The following TNRC6A variants were observed in gnomAD, a reference collection of about 807,000 sequenced individuals.
TNRC6A encodes trinucleotide repeat containing adaptor 6A, also known as trinucleotide repeat-containing gene 6A protein.
A neutral mutation model predicts 221.2 loss-of-function variants in TNRC6A; 44 were observed. That is an observed-to-expected ratio of 0.20 (90% CI 0.16 to 0.26). TNRC6A has a LOEUF of 0.26. TNRC6A is among the 10% of genes least tolerant of loss of function. TNRC6A has a pLI of 1.00. For missense variants in TNRC6A, 2,199 were observed against 2,404.4 expected (o/e 0.91, Z 1.79); for synonymous variants, 847 against 838.5 (o/e 1.01, Z -0.18).
At chr16:24,703,812 G>A (rs2056036813) in intron 2 of TNRC6A, among the ~76,000 whole-genome samples, 1 of 151,870 alleles carries the variant, frequency 6.6e-6, no homozygotes, top group Admixed American at 6.6e-5. Context: ...GGCCGGGCGT[G>A]GTGGCTCACG....
Position 24,675,659 on chromosome 16 carries a change from ACTCTCTCTCT to A in TNRC6A, n.402+34685_402+34694del, listed in dbSNP as rs71381700. On this transcript the variant is annotated intron_variant and non_coding_transcript_variant, in intron 2 of 2. Transcript: ENST00000566108. ...TCACACCACTGCACTCCAGCCAGAG[ACTCTCTCTCT>A]CTCTCTCTCTCTCTCTCTCTCTCTC... is the stretch of plus-strand genomic sequence containing the variant. Among the ~76,000 whole-genome samples, 137 of 37,502 alleles carry A rather than the reference ACTCTCTCTCT, an allele frequency of 3.7e-3. 1 individual carries two copies. The highest frequency in any genetic ancestry group is 4.7e-3 in the Non-Finnish European group (100 of 21,122). 24.6% of individuals were successfully genotyped at this position (37,502 alleles called of 152,430 possible).
At chr16:24,742,647 C>T (rs925816508) in intron 2 of TNRC6A, among the ~76,000 whole-genome samples, 6 of 152,196 alleles carry the variant, frequency 3.9e-5, no homozygotes, top group African/African-American at 7.2e-5. Context: ...AATGTCTGGG[C>T]GCAGTGGCTC....
intron 2 of TNRC6A, among the ~76,000 whole-genome samples, chr16:24,715,460 C>T (rs1423730729): frequency 6.6e-6 from 1 of 152,088 alleles, no homozygotes; most frequent in African/African-American, 2.4e-5. Context: ...GCAAAACCCT[C>T]CTAAGTACCA....
chr16:24,648,066 G>C (rs1288302888), intron 2 of TNRC6A, among the ~76,000 whole-genome samples: 2 of 151,992 alleles, frequency 1.3e-5, no homozygotes, highest in Non-Finnish European at 2.9e-5. Flanking sequence ...TCTTTCTTAA[G>C]ACCATATACT....
intron 2 of TNRC6A, among the ~76,000 whole-genome samples, chr16:24,692,896 G>A (rs2055784085): frequency 6.6e-6 from 1 of 152,096 alleles, no homozygotes; most frequent in African/African-American, 2.4e-5. Context: ...CACAGTTCCT[G>A]TAGGCACTAG....
Position 24,764,769 on chromosome 16 carries a change from C to G in TNRC6A, c.163+6409C>G, listed in dbSNP as rs547408789. 3.3e-5 allele frequency among the ~76,000 whole-genome samples: 5 copies of G among 152,248 alleles called. No homozygotes were observed. In the East Asian group the frequency reaches 9.6e-4, roughly 29 times the overall value. ...TGGGTATACAGTAATCCCCCTGTAT[C>G]CACAGAGAATCTGTTCCAAGCCTCC... On this transcript the variant is annotated intron_variant, in intron 4 of 24. Transcript: ENST00000395799.
intron 17 of TNRC6A, among the ~76,000 whole-genome samples, chr16:24,808,929 C>T (rs1301880326): frequency 6.6e-6 from 1 of 152,172 alleles, no homozygotes; most frequent in Non-Finnish European, 1.5e-5. Flanking sequence ...TGAGGGGCCT[C>T]ATCAGCAAAG....
intron 2 of TNRC6A, among the ~76,000 whole-genome samples, chr16:24,679,847 A>G (rs906952783): frequency 6.6e-6 from 1 of 151,994 alleles, no homozygotes; most frequent in Admixed American, 6.6e-5. Flanking sequence ...GTACTCAAGC[A>G]ATCCTCCCGC....
At chr16:24,786,274 T>C (rs190752528) in intron 5 of TNRC6A, among the ~76,000 whole-genome samples, 3 of 149,306 alleles carry the variant, frequency 2.0e-5, no homozygotes, top group Non-Finnish European at 3.0e-5. Context: ...GGATCAGATA[T>C]AGTTCAGAGT....
At position 24,791,106 on chromosome 16, in the gene TNRC6A, T is replaced by C. The variant is rs143822830; in HGVS notation, c.2464T>C (p.Cys822Arg). Reference sequence around the variant, plus strand: ...GGTCAAGAGCAATCAGTGGGGGAATTGCAAAGAGGAGAAGGCTGCATGGAA... The same window carrying C: ...GGTCAAGAGCAATCAGTGGGGGAATCGCAAAGAGGAGAAGGCTGCATGGAA... Reference protein sequence around the residue: ...GMVKSNQWGNCKEEKAAWNDS... With the variant: ...GMVKSNQWGNRKEEKAAWNDS... Residue 822 changes from cysteine to arginine, a missense_variant, in exon 6 of 25, where the codon TGC (cysteine) becomes CGC (arginine). Cys to Arg is a radical substitution (Grantham distance 180, BLOSUM62 -3). Transcript: ENST00000395799. 48 of 1,613,416 alleles carry C rather than the reference T, an allele frequency of 3.0e-5. No homozygotes were observed. Among genetic ancestry groups the C allele is most frequent in the Middle Eastern group, 1.6e-4 (1 of 6,080 alleles).
intron 2 of TNRC6A, among the ~76,000 whole-genome samples, chr16:24,675,698 CTCTCTATATATATATATATATATATA>C (rs1175137427): frequency 1.5e-4 from 10 of 66,600 alleles, no homozygotes; most frequent in African/African-American, 5.0e-4. Context: ...CTCTCTCTCT[CTCTCTATATATATATATATATATATA>C]TATATATATA....
intron 1 of TNRC6A, among the ~76,000 whole-genome samples, chr16:24,625,587 G>A (rs1464707821): frequency 6.6e-6 from 1 of 151,954 alleles, no homozygotes; most frequent in Non-Finnish European, 1.5e-5. Context: ...TTAGCCGGGC[G>A]CGGTGGCGGG....
intron 16 of TNRC6A, 105 bp downstream of exon 16, chr16:24,806,388 C>G: frequency 6.9e-7 from 1 of 1,457,462 alleles, no homozygotes; most frequent in Non-Finnish European, 9.4e-7. Context: ...AACAATCTTA[C>G]TAAGATGTAA....
chr16:24,765,429 A>G (rs75544522), intron 4 of TNRC6A, among the ~76,000 whole-genome samples: 2,300 of 152,272 alleles, frequency 0.015, 52 homozygotes, highest in African/African-American at 0.052. Context: ...TCCATCACAC[A>G]GGTTGGGTAG....
At chr16:24,700,778 C>G (rs1171663206) in intron 2 of TNRC6A, among the ~76,000 whole-genome samples, 2 of 152,150 alleles carry the variant, frequency 1.3e-5, no homozygotes, top group Non-Finnish European at 2.9e-5. Context: ...CGATCCCTGA[C>G]CCCACACCTC....
At chr16:24,821,928 G>A (rs939272368) in intron 22 of TNRC6A, 149 bp from the exon 23 acceptor site, 6 of 715,468 alleles carry the variant, frequency 8.4e-6, no homozygotes, top group Admixed American at 4.8e-5. Flanking sequence ...TGGCTAGGGC[G>A]AGCTGAAATT....
In TNRC6A at chr16:24,777,108, ACAGCCGCAGCCG is replaced by A; in HGVS notation, c.344_355del (p.Pro115_Gln118del). On this transcript the variant is annotated inframe_deletion, in exon 5 of 25. Transcript: ENST00000395799. ...AGCAGCAGCAGCCACAGCAGCAGCCACAGCCGCAGCCGCAGCAGCAGCAGCCACAGCAGCAGC... is the reference window on the plus strand; with the variant it reads ...AGCAGCAGCAGCCACAGCAGCAGCCACAGCAGCAGCAGCCACAGCAGCAGC... 8.3e-6 allele frequency: 9 copies of A among 1,089,842 alleles called. No individual in the cohort carries two copies. The highest frequency in any genetic ancestry group is 1.0e-5 in the Non-Finnish European group (8 of 767,768). The allele number at this position is 1,089,842 out of a possible 1,614,324, so 67.5% of individuals were successfully genotyped here. A position where few individuals can be genotyped will look rare whatever the true frequency, so the allele number is the denominator to read the frequency against.
In TNRC6A at chr16:24,750,832, ATT is replaced by A; in HGVS notation, c.141+21_141+22del. ...AAAGAAGGTAGTATGTGTGTAAACT[ATT>A]TATATTAAGCAGTTTAAACATAGAA... On this transcript the variant is annotated intron_variant, in intron 3 of 24. Transcript: ENST00000395799. 2 of 1,489,804 alleles carry A rather than the reference ATT, an allele frequency of 1.3e-6. No homozygotes were observed. The highest frequency in any genetic ancestry group is 1.8e-6 in the Non-Finnish European group (2 of 1,122,658). The allele number at this position is 1,489,804 out of a possible 1,614,324, so 92.3% of individuals were successfully genotyped here.
At chr16:24,730,524 A>G (rs1406006582) in intron 2 of TNRC6A, among the ~76,000 whole-genome samples, 4 of 151,396 alleles carry the variant, frequency 2.6e-5, no homozygotes, top group African/African-American at 9.7e-5. Flanking sequence ...GCGCAAAGCA[A>G]TTCTTGTAAA....
Sources: allele counts gnomAD v4.1 joint callset (sites outside exome capture counted in the v4.1 genomes callset), GRCh38; gene constraint gnomAD v4.1.1; transcripts MANE v1.5; gene names NCBI Gene and HGNC (gene_info 2026-07-23, HGNC 2026-07-21).